TCF12: variants seen among roughly 807,000 people sequenced by gnomAD.
TCF12 encodes DNA-binding protein HTF4.
Under a neutral mutation model 86.0 loss-of-function variants are expected in TCF12, and 45 were observed. That is an observed-to-expected ratio of 0.52 (90% CI 0.41 to 0.67). The LOEUF is 0.67. Among genes scored for constraint, TCF12 ranks in the 30% least tolerant of loss-of-function variants. The pLI is 0.00. For synonymous variants in TCF12, 330 were observed against 299.6 expected, an observed-to-expected ratio of 1.10 and a Z score of -1.05; for missense variants, 881 against 859.9, an observed-to-expected ratio of 1.02 and a Z score of -0.31.
At chr15:57,056,333 G>T (rs1295806645) in intron 3 of TCF12, among the ~76,000 whole-genome samples, 1 of 151,846 alleles carries the variant, frequency 6.6e-6, no homozygotes, top group Non-Finnish European at 1.5e-5. Context: ...GTCGAGATGG[G>T]GTGTCAGCAT....
intron 8 of TCF12, among the ~76,000 whole-genome samples, chr15:57,203,217 A>G (rs1156530263): frequency 6.6e-6 from 1 of 152,164 alleles, no homozygotes; most frequent in Non-Finnish European, 1.5e-5. Context: ...CCTAGAATTC[A>G]TTCTAATTAT....
chr15:57,123,373 A>G (rs1324520583), intron 5 of TCF12, among the ~76,000 whole-genome samples: 1 of 152,182 alleles, frequency 6.6e-6, no homozygotes, highest in Non-Finnish European at 1.5e-5. Flanking sequence ...TAAATGATTT[A>G]TTTGGGATAC....
At chr15:56,995,634 C>G (rs1327864612) in intron 3 of TCF12, among the ~76,000 whole-genome samples, 1 of 151,952 alleles carries the variant, frequency 6.6e-6, no homozygotes. Flanking sequence ...GACTTTTGTA[C>G]ATTGATTTTG....
At chr15:57,018,033 G>C (rs1440192074) in intron 3 of TCF12, among the ~76,000 whole-genome samples, 1 of 152,140 alleles carries the variant, frequency 6.6e-6, no homozygotes, top group Non-Finnish European at 1.5e-5. Flanking sequence ...TTTAGTAGAA[G>C]GATCTTGGAA....
intron 4 of TCF12, among the ~76,000 whole-genome samples, chr15:57,091,536 C>A (rs533876852): frequency 6.6e-6 from 1 of 152,144 alleles, no homozygotes; most frequent in Non-Finnish European, 1.5e-5. Flanking sequence ...TGAAAACATT[C>A]GTGCTCATGG....
At chr15:57,204,072 C>G (rs2057690808) in intron 8 of TCF12, among the ~76,000 whole-genome samples, 1 of 152,156 alleles carries the variant, frequency 6.6e-6, no homozygotes, top group South Asian at 2.1e-4. Context: ...ACAGCTTAGA[C>G]TCTACTTTTT....
chr15:57,029,047 G>A (rs1352485603), intron 3 of TCF12, among the ~76,000 whole-genome samples: 1 of 152,046 alleles, frequency 6.6e-6, no homozygotes, highest in African/African-American at 2.4e-5. Context: ...GCTCTCGAAC[G>A]ACCTGGCCTC....
intron 19 of TCF12, chr15:57,278,697 T>TCTCTCCCCCCCTCCCTCC (rs2061519093): frequency 5.9e-5 from 7 of 118,620 alleles, no homozygotes; most frequent in African/African-American, 1.3e-4. Flanking sequence ...CCTCTCCCTC[T>TCTCTCCCCCCCTCCCTCC]CTCTCCCTCC....
chr15:57,251,120 T>A (rs2060096918), intron 13 of TCF12: 1 of 422,868 alleles, frequency 2.4e-6, no homozygotes, highest in East Asian at 4.0e-5. Flanking sequence ...TAGCTGTATT[T>A]AAAATTACAG....
At chr15:56,991,920 A>G (rs1278864446) in intron 3 of TCF12, among the ~76,000 whole-genome samples, 2 of 152,118 alleles carry the variant, frequency 1.3e-5, no homozygotes, top group African/African-American at 2.4e-5. Context: ...TATTATGGAG[A>G]TAAACACTAT....
intron 5 of TCF12, among the ~76,000 whole-genome samples, chr15:57,132,827 A>G (rs1387322996): frequency 6.6e-6 from 1 of 152,212 alleles, no homozygotes; most frequent in East Asian, 1.9e-4. Flanking sequence ...AGCTCTGTGG[A>G]TGCTACCTAA....
At chr15:57,252,791 T>C (rs1166952483) in intron 15 of TCF12, among the ~76,000 whole-genome samples, 6 of 152,192 alleles carry the variant, frequency 3.9e-5, no homozygotes, top group Non-Finnish European at 8.8e-5. Flanking sequence ...TCAAAGAACA[T>C]ATCTGGATAT....
chr15:57,246,796 C>T (rs1375366597), intron 13 of TCF12, among the ~76,000 whole-genome samples: 1 of 152,182 alleles, frequency 6.6e-6, no homozygotes, highest in Non-Finnish European at 1.5e-5. Context: ...TTTCCTGTTT[C>T]AGCTGCAGTA....
chr15:57,268,006 G>T (rs1567020702), intron 18 of TCF12, among the ~76,000 whole-genome samples: 1 of 152,178 alleles, frequency 6.6e-6, no homozygotes, highest in Non-Finnish European at 1.5e-5. Flanking sequence ...TGTTACAGTG[G>T]TAGTGTTATG....
intron 8 of TCF12, among the ~76,000 whole-genome samples, chr15:57,201,187 C>G (rs1416530371): frequency 1.3e-5 from 2 of 151,742 alleles, no homozygotes; most frequent in Non-Finnish European, 1.5e-5. Context: ...TAGAATAATG[C>G]TTGGACACCG....
At chr15:57,049,398 A>G (rs1307071789) in intron 3 of TCF12, among the ~76,000 whole-genome samples, 1 of 151,928 alleles carries the variant, frequency 6.6e-6, no homozygotes, top group Admixed American at 6.6e-5. Flanking sequence ...ACTCCAAACA[A>G]CCATTGTTTT....
intron 16 of TCF12, among the ~76,000 whole-genome samples, chr15:57,256,011 C>T (rs1451039793): frequency 6.6e-6 from 1 of 152,206 alleles, no homozygotes; most frequent in East Asian, 1.9e-4. Flanking sequence ...ATCTTCATCT[C>T]ATCCAGACAC....
intron 8 of TCF12, among the ~76,000 whole-genome samples, chr15:57,202,878 A>G (rs2057620085): frequency 6.6e-6 from 1 of 152,180 alleles, no homozygotes; most frequent in Admixed American, 6.5e-5. Context: ...AGTGTGGTGT[A>G]TCCTAGATAC....
At chr15:57,166,051 C>T (rs1290422765) in intron 5 of TCF12, among the ~76,000 whole-genome samples, 1 of 152,188 alleles carries the variant, frequency 6.6e-6, no homozygotes, top group Non-Finnish European at 1.5e-5. Context: ...CCTCAGCCTC[C>T]TGAGTAGCTG....
Sources: gnomAD v4.1 joint callset for allele counts (sites outside exome capture counted in the v4.1 genomes callset) on GRCh38, gnomAD v4.1.1 for gene constraint, MANE v1.5 for transcripts, NCBI Gene and HGNC (gene_info 2026-07-23, HGNC 2026-07-21) for gene names.